The following CNOT4 variants were observed in gnomAD, a reference collection of about 807,000 sequenced individuals.
The protein encoded by CNOT4 is CCR4-NOT transcription complex subunit 4.
Under a neutral mutation model 73.8 loss-of-function variants are expected in CNOT4, and 8 were observed. That is an observed-to-expected ratio of 0.11 (90% confidence interval 0.06 to 0.20). The LOEUF is 0.20. Ranked by LOEUF, CNOT4 falls within the 10% of genes least tolerant of loss-of-function variation. The probability of loss-of-function intolerance (pLI) is 1.00; values close to 1 mark genes in which losing one functional copy is unlikely to be tolerated. For synonymous variants in CNOT4, 293 were observed against 321.1 expected (o/e 0.91, Z 0.94); for missense variants, 564 against 883.4 (o/e 0.64, Z 4.58).
At chr7:135,411,140 A>G (rs961939349) in intron 6 of CNOT4, among the ~76,000 whole-genome samples, 1 of 152,050 alleles carries the variant, frequency 6.6e-6, no homozygotes, top group Non-Finnish European at 1.5e-5. Flanking sequence ...ATTCTTCATT[A>G]TCTTGACACT....
At chr7:135,399,283 T>C (rs980377789) in intron 7 of CNOT4, among the ~76,000 whole-genome samples, 15 of 152,098 alleles carry the variant, frequency 9.9e-5, no homozygotes, top group Non-Finnish European at 2.2e-4. Flanking sequence ...CTAGATGGCA[T>C]GGTTTACTAC....
chr7:135,395,619 A>G lies in CNOT4; in HGVS notation c.1129+15T>C, dbSNP rs766905392. Reference sequence around the variant, plus strand: ...AAGAGCATAATTACTAATACTTGGTACTATTGTTATATACCTGATGTGAAG... The same window carrying G: ...AAGAGCATAATTACTAATACTTGGTGCTATTGTTATATACCTGATGTGAAG... On this transcript the variant is annotated intron_variant, in intron 9 of 11. Coordinates refer to ENST00000541284, the MANE Select transcript of CNOT4 (RefSeq NM_001190850.2). 247 of 1,609,850 alleles carry G rather than the reference A, an allele frequency of 1.5e-4. No individual in the cohort carries two copies. Among genetic ancestry groups the G allele is most frequent in the Non-Finnish European group, 2.0e-4 (238 of 1,177,240 alleles).
chr7:135,476,182 G>T (rs376393190), intron 1 of CNOT4, among the ~76,000 whole-genome samples: 1 of 152,134 alleles, frequency 6.6e-6, no homozygotes, highest in East Asian at 1.9e-4. Flanking sequence ...AATGGGAGAA[G>T]ATTTTCCTAA....
intron 10 of CNOT4, among the ~76,000 whole-genome samples, chr7:135,378,494 A>C (rs1795647513): frequency 7.0e-6 from 1 of 142,920 alleles, no homozygotes; most frequent in Non-Finnish European, 1.5e-5. Flanking sequence ...AGAGTGTCTC[A>C]AACAAAATAA....
In CNOT4 at chr7:135,423,912, A is replaced by G. The variant is rs1048434044; in HGVS notation, c.175-1559T>C. The stretch of plus-strand genomic sequence containing the variant: ...GATTTTAGGACTTTCTCCAGGATCA[A>G]ATATAAATTTAGTATGATTTCAGAA... On this transcript the variant is annotated intron_variant, in intron 2 of 11. Transcript: ENST00000541284. 2.0e-5 allele frequency among the ~76,000 whole-genome samples: 3 copies of G among 152,258 alleles called. No individual in the cohort carries two copies. The South Asian group carries it at 6.2e-4, about 32-fold the overall frequency.
chr7:135,400,927 T>C (rs1323731187), intron 7 of CNOT4, among the ~76,000 whole-genome samples: 1 of 152,184 alleles, frequency 6.6e-6, no homozygotes, highest in Non-Finnish European at 1.5e-5. Flanking sequence ...CTAGAAATTA[T>C]TTTACTTCCT....
chr7:135,441,355 TACA>T (rs1170699136), intron 1 of CNOT4, among the ~76,000 whole-genome samples: 1 of 149,038 alleles, frequency 6.7e-6, no homozygotes, highest in East Asian at 2.0e-4. Context: ...AGAAGAAAAA[TACA>T]ACGAAATAGT....
chr7:135,440,309 T>C (rs186008673), intron 1 of CNOT4, among the ~76,000 whole-genome samples: 70 of 150,180 alleles, frequency 4.7e-4, no homozygotes, highest in African/African-American at 1.6e-3. Flanking sequence ...ATGATCAATC[T>C]TTAGTTAACA....
At chr7:135,430,666 T>C (rs1474169120) in intron 2 of CNOT4, among the ~76,000 whole-genome samples, 2 of 151,816 alleles carry the variant, frequency 1.3e-5, no homozygotes, top group African/African-American at 4.8e-5. Context: ...CCAAAAAACA[T>C]AAATTACTGT....
intron 10 of CNOT4, among the ~76,000 whole-genome samples, chr7:135,376,959 C>G (rs1027290212): frequency 6.6e-6 from 1 of 152,082 alleles, no homozygotes; most frequent in Non-Finnish European, 1.5e-5. Context: ...AATGATATAA[C>G]TTCATTATTT....
intron 7 of CNOT4, among the ~76,000 whole-genome samples, chr7:135,399,754 T>G (rs1296303180): frequency 2.0e-5 from 3 of 152,136 alleles, no homozygotes; most frequent in Non-Finnish European, 4.4e-5. Context: ...TTCTTGATTA[T>G]AAGCAAACAG....
intron 10 of CNOT4, among the ~76,000 whole-genome samples, chr7:135,381,154 C>A (rs1469809013): frequency 1.3e-5 from 2 of 152,134 alleles, no homozygotes; most frequent in African/African-American, 4.8e-5. Flanking sequence ...TGAATTGGAA[C>A]ACAGCAGGAA....
chr7:135,479,413 G>A (rs577052293), intron 1 of CNOT4, among the ~76,000 whole-genome samples: 109 of 151,520 alleles, frequency 7.2e-4, no homozygotes, highest in African/African-American at 2.5e-3. Context: ...GTTTCGTTAT[G>A]TTGGCTAGGA....
At chr7:135,480,368 T>C (rs533309953) in intron 1 of CNOT4, among the ~76,000 whole-genome samples, 3 of 152,336 alleles carry the variant, frequency 2.0e-5, no homozygotes, top group East Asian at 3.9e-4. Flanking sequence ...TCTTTTTATA[T>C]ACCCTTTGGT....
chr7:135,413,567 A>G lies in CNOT4; in HGVS notation c.608T>C (p.Met203Thr), dbSNP rs1431926870. The G allele has an allele frequency of 1.2e-6, 2 of 1,611,632 alleles. No individual in the cohort carries two copies. The highest frequency in any genetic ancestry group is 2.2e-5 in the East Asian group (1 of 44,844). Residue 203 changes from methionine to threonine, a missense_variant, in exon 6 of 12, where the codon ATG (methionine) becomes ACG (threonine). Met to Thr is a moderately conservative substitution (Grantham distance 81, BLOSUM62 -1). This residue lies in a region of CNOT4 where 14 missense variants were observed against 69.5 expected (regional missense o/e 0.20). Transcript: ENST00000541284. The part of the protein sequence containing the change: ...TKYCSYFLKN[M>T]QCPKPDCMYL... ...CATGCAGTCAGGTTTTGGACACTGC[A>G]TATTCTTTAAGAAGTAACTGCAGTA...
Position 135,456,364 on chromosome 7 carries a change from C to A in CNOT4, c.-92-17941G>T, listed in dbSNP as rs550472347. Among the ~76,000 whole-genome samples the A allele has an allele frequency of 3.3e-5, 5 of 152,232 alleles. No individual in the cohort carries two copies. In the South Asian group the frequency reaches 1.0e-3, roughly 32 times the overall value. ...GCTCTGATCTAAATCAACGAGGAAACCTCACAACTGATCATAAGTCTAAAT... is the reference window on the plus strand; with the variant it reads ...GCTCTGATCTAAATCAACGAGGAAAACTCACAACTGATCATAAGTCTAAAT... On this transcript the variant is annotated intron_variant, in intron 1 of 11. Coordinates refer to ENST00000541284, the MANE Select transcript of CNOT4 (RefSeq NM_001190850.2).
At chr7:135,378,852 G>C (rs1217815001) in intron 10 of CNOT4, among the ~76,000 whole-genome samples, 1 of 152,116 alleles carries the variant, frequency 6.6e-6, no homozygotes, top group African/African-American at 2.4e-5. Flanking sequence ...ACGCATGGTG[G>C]TGTGTGCATG....
chr7:135,461,160 A>AT (rs200317077), intron 1 of CNOT4, among the ~76,000 whole-genome samples: 239 of 151,302 alleles, frequency 1.6e-3, no homozygotes, highest in African/African-American at 5.3e-3. Flanking sequence ...TGCCAGTCAC[A>AT]TTTTTTTTTG....
At chr7:135,483,699 C>G (rs1204624205) in intron 1 of CNOT4, among the ~76,000 whole-genome samples, 1 of 152,054 alleles carries the variant, frequency 6.6e-6, no homozygotes, top group African/African-American at 2.4e-5. Flanking sequence ...TGTCACATGC[C>G]TGTAGTCCCA....
Sources: gnomAD v4.1 joint callset for allele counts (sites outside exome capture counted in the v4.1 genomes callset) on GRCh38, gnomAD v4.1.1 for gene constraint, gnomAD v4.1.1 regional missense constraint, MANE v1.5 for transcripts, NCBI Gene and HGNC (gene_info 2026-07-23, HGNC 2026-07-21) for gene names.